The following TSNARE1 variants were observed in gnomAD, a reference collection of about 807,000 sequenced individuals.
TSNARE1 encodes the protein t-SNARE domain containing 1, also known as t-SNARE domain-containing protein 1.
In TSNARE1, 49 loss-of-function variants were observed where a neutral mutation model predicts 62.0. The observed-to-expected ratio is 0.79, with a 90% confidence interval of 0.63 to 1.00. The LOEUF (loss-of-function observed/expected upper bound fraction) is 1.00. TSNARE1 is among the 50% of genes least tolerant of loss of function. The probability of loss-of-function intolerance (pLI) is 0.00; values close to 1 mark genes in which losing one functional copy is unlikely to be tolerated. For missense variants in TSNARE1, 755 were observed against 700.1 expected (o/e 1.08, Z -0.88); for synonymous variants, 328 against 294.4 (o/e 1.11, Z -1.17).
chr8:142,297,831 T>C (rs570405375), intron 10 of TSNARE1, among the ~76,000 whole-genome samples: 1 of 152,340 alleles, frequency 6.6e-6, no homozygotes, highest in African/African-American at 2.4e-5. Flanking sequence ...TTTTCCCGTT[T>C]TCAGAGACCA....
In TSNARE1 at chr8:142,271,287, C is replaced by G. The variant is rs768108090; in HGVS notation, c.1446+3494G>C. ...TCGAGGGTCCGGTTGAGGGCCTCCA[C>G]GCCATCGGCCAGACGCTGGCTCTGC... On this transcript the variant is annotated intron_variant, in intron 12 of 13. Transcript: ENST00000524325. 4.7e-6 allele frequency: 5 copies of G among 1,070,730 alleles called. No individual in the cohort carries two copies. In the African/African-American group the frequency reaches 8.3e-5, roughly 18 times the overall value. 66.3% of individuals were successfully genotyped at this position (1,070,730 alleles called of 1,614,324 possible). A position where few individuals can be genotyped will look rare whatever the true frequency, so the allele number is the denominator to read the frequency against.
intron 12 of TSNARE1, among the ~76,000 whole-genome samples, chr8:142,251,077 G>A (rs1818136856): frequency 6.6e-6 from 1 of 152,188 alleles, no homozygotes; most frequent in African/African-American, 2.4e-5. Context: ...GTTTGCTGGG[G>A]ATCATGTGCC....
At chr8:142,247,263 G>A (rs921293742) in intron 12 of TSNARE1, among the ~76,000 whole-genome samples, 1 of 152,204 alleles carries the variant, frequency 6.6e-6, no homozygotes, top group African/African-American at 2.4e-5. Context: ...GCAAAGCTCT[G>A]GGGGCGCTAC....
intron 1 of TSNARE1, among the ~76,000 whole-genome samples, chr8:142,375,154 G>C (rs1458448279): frequency 6.6e-6 from 1 of 152,252 alleles, no homozygotes; most frequent in Non-Finnish European, 1.5e-5. Context: ...TGCCGGTCCT[G>C]TCCTAAACAC....
chr8:142,326,612 G>A (rs1830312635), intron 6 of TSNARE1, among the ~76,000 whole-genome samples: 1 of 145,904 alleles, frequency 6.9e-6, no homozygotes, highest in Non-Finnish European at 1.5e-5. Flanking sequence ...CCAGCGAAGG[G>A]GAGGGGCCCC....
At chr8:142,224,922 C>T (rs920205203) in intron 13 of TSNARE1, among the ~76,000 whole-genome samples, 8 of 152,114 alleles carry the variant, frequency 5.3e-5, no homozygotes. Context: ...CCTGATTGAT[C>T]CCTAGCAGAG....
At chr8:142,257,054 G>A (rs1019479446) in intron 12 of TSNARE1, among the ~76,000 whole-genome samples, 2 of 152,152 alleles carry the variant, frequency 1.3e-5, no homozygotes, top group Admixed American at 6.5e-5. Context: ...GCCTTGAAAG[G>A]GACCTTCCCA....
intron 10 of TSNARE1, among the ~76,000 whole-genome samples, chr8:142,287,449 G>A (rs1247479092): frequency 4.0e-5 from 4 of 100,676 alleles, no homozygotes; most frequent in Non-Finnish European, 8.1e-5. Context: ...CCTCCAGGTC[G>A]TGGAACCCAG....
chr8:142,260,995 G>GA (rs1563786649), intron 12 of TSNARE1, among the ~76,000 whole-genome samples: 3 of 36,470 alleles, frequency 8.2e-5, no homozygotes, highest in African/African-American at 1.1e-4. Flanking sequence ...GAGAGAGGGA[G>GA]GGGGGTGGGG....
At chr8:142,322,135 A>G (rs1829559295) in intron 6 of TSNARE1, among the ~76,000 whole-genome samples, 1 of 152,246 alleles carries the variant, frequency 6.6e-6, no homozygotes, top group Non-Finnish European at 1.5e-5. Context: ...AACAGAGCAA[A>G]TTTAACAAGG....
At chr8:142,404,257 G>C (rs35854095), upstream of TSNARE1, 1 of 152,204 alleles carries the variant, frequency 6.6e-6, no homozygotes, top group South Asian at 2.1e-4. Flanking sequence ...GACTGTGCAT[G>C]TGTGCGCACA....
At chr8:142,385,413 G>A (rs971869651) in intron 1 of TSNARE1, among the ~76,000 whole-genome samples, 2 of 152,178 alleles carry the variant, frequency 1.3e-5, no homozygotes, top group Non-Finnish European at 2.9e-5. Flanking sequence ...CCGTCAAAAC[G>A]ACTGTCAATG....
At position 142,277,063 on chromosome 8, in the gene TSNARE1, A is replaced by G. The variant is rs111876229; in HGVS notation, c.1364-2200T>C. The stretch of plus-strand genomic sequence containing the variant: ...TTGGTGCGTGGGACCTGTGGTACTG[A>G]GCGACACTCCAATACCTCATCAGCC... On this transcript the variant is annotated intron_variant, in intron 11 of 13. Coordinates refer to ENST00000524325, the MANE Select transcript of TSNARE1 (RefSeq NM_145003.5). The G allele has an allele frequency of 1.6e-5, 16 of 985,172 alleles. No homozygotes were observed. In the African/African-American group the frequency reaches 2.6e-4, roughly 16 times the overall value. The allele number at this position is 985,172 out of a possible 1,614,324, so 61.0% of individuals were successfully genotyped here. A position where few individuals can be genotyped will look rare whatever the true frequency, so the allele number is the denominator to read the frequency against.
chr8:142,249,673 G>A (rs139724016), intron 12 of TSNARE1, among the ~76,000 whole-genome samples: 18 of 152,340 alleles, frequency 1.2e-4, no homozygotes, highest in African/African-American at 4.1e-4. Flanking sequence ...CAGGCCGTCC[G>A]CGTCAGGACC....
intron 7 of TSNARE1, among the ~76,000 whole-genome samples, chr8:142,316,289 CCA>C (rs929936068): frequency 6.6e-6 from 1 of 151,692 alleles, no homozygotes; most frequent in Non-Finnish European, 1.5e-5. Flanking sequence ...CACCTGGTCC[CCA>C]CAGAGTGGTC....
chr8:142,381,250 C>T lies in TSNARE1; in HGVS notation c.-40+21854G>A, dbSNP rs772147912. On this transcript the variant is annotated intron_variant, in intron 1 of 13. Transcript: ENST00000524325. ...GCATCCACCCAGCCCAGGTCCCTGT[C>T]GGGCCATGGGCAGCCCAAGGCCATG... is the stretch of plus-strand genomic sequence containing the variant. Among the ~76,000 whole-genome samples the T allele has an allele frequency of 1.1e-4, 16 of 152,246 alleles. 1 individual carries two copies. Among genetic ancestry groups the T allele is most frequent in the Admixed American group, 9.2e-4 (14 of 15,290 alleles).
At chr8:142,236,731 A>C (rs7828451) in intron 12 of TSNARE1, among the ~76,000 whole-genome samples, 86,504 of 151,944 alleles carry the variant, frequency 0.57, 26,706 homozygotes, top group African/African-American at 0.81. Flanking sequence ...AGAGCTGACA[A>C]CCACACCTGT....
At chr8:142,371,726 G>C (rs990405885) in intron 1 of TSNARE1, among the ~76,000 whole-genome samples, 1 of 152,062 alleles carries the variant, frequency 6.6e-6, no homozygotes, top group Non-Finnish European at 1.5e-5. Flanking sequence ...GTATACTTAA[G>C]GTATGTGTCT....
At chr8:142,257,855 C>G (rs963681720) in intron 12 of TSNARE1, among the ~76,000 whole-genome samples, 31 of 152,148 alleles carry the variant, frequency 2.0e-4, no homozygotes, top group Non-Finnish European at 1.5e-5. Context: ...GGCCCCACAG[C>G]CAGAAAGTGA....
Sources: allele counts gnomAD v4.1 joint callset (sites outside exome capture counted in the v4.1 genomes callset), GRCh38; gene constraint gnomAD v4.1.1; transcripts MANE v1.5; gene names NCBI Gene and HGNC (gene_info 2026-07-23, HGNC 2026-07-21).